The following TENM2 variants were observed in gnomAD, a reference collection of about 807,000 sequenced individuals.
TENM2 encodes teneurin-2.
A neutral mutation model predicts 245.2 loss-of-function variants in TENM2; 52 were observed. The observed-to-expected ratio is 0.21, with a 90% CI of 0.17 to 0.27. The LOEUF (loss-of-function observed/expected upper bound fraction) is 0.27. TENM2 is among the 10% of genes least tolerant of loss of function. The probability of loss-of-function intolerance (pLI) is 1.00; values close to 1 mark genes in which losing one functional copy is unlikely to be tolerated. For synonymous variants in TENM2, 1,363 were observed against 1,438.9 expected, an observed-to-expected ratio of 0.95 and a Z score of 1.19; for missense variants, 3,046 against 3,666.8, an observed-to-expected ratio of 0.83 and a Z score of 4.37.
chr5:167,523,370 G>A (rs989261657), intron 2 of TENM2, among the ~76,000 whole-genome samples: 8 of 152,118 alleles, frequency 5.3e-5, no homozygotes, highest in African/African-American at 1.9e-4. Context: ...CTGGCTGATG[G>A]TTGCACACAG....
chr5:167,482,906 C>A (rs1302960615), intron 2 of TENM2, among the ~76,000 whole-genome samples: 1 of 152,312 alleles, frequency 6.6e-6, no homozygotes, highest in East Asian at 1.9e-4. Flanking sequence ...TCTCTCCTCC[C>A]TCAAACTGAG....
chr5:167,864,526 A>T (rs939857656), intron 2 of TENM2, among the ~76,000 whole-genome samples: 2 of 152,242 alleles, frequency 1.3e-5, no homozygotes, highest in East Asian at 3.9e-4. Flanking sequence ...GAAAAGTTAG[A>T]TGACTTGCCC....
intron 2 of TENM2, among the ~76,000 whole-genome samples, chr5:167,593,022 A>G (rs1412388622): frequency 1.3e-5 from 2 of 152,142 alleles, no homozygotes; most frequent in Non-Finnish European, 2.9e-5. Flanking sequence ...TATTTTAATA[A>G]TTGCCTAATA....
At chr5:167,918,592 T>C (rs1469872538) in intron 3 of TENM2, among the ~76,000 whole-genome samples, 2 of 152,174 alleles carry the variant, frequency 1.3e-5, no homozygotes, top group Non-Finnish European at 2.9e-5. Context: ...TCTTGACTTA[T>C]CAAGCACACT....
chr5:168,195,383 T>C, intron 15 of TENM2, 88 bp downstream of exon 17: 3 of 1,466,274 alleles, frequency 2.0e-6, no homozygotes, highest in South Asian at 2.5e-5. Flanking sequence ...AACCACAGGA[T>C]TCCCCCTGGT....
intron 2 of TENM2, chr5:167,754,927 T>C (rs552456881): frequency 1.4e-5 from 18 of 1,257,990 alleles, no homozygotes; most frequent in Admixed American, 6.3e-5. Context: ...AGAGCAGATA[T>C]TGCCTATTAT....
chr5:167,051,953 ATTCTC>A, the TENM2 span, among the ~76,000 whole-genome samples: 16 of 152,276 alleles, frequency 1.1e-4, no homozygotes, highest in Middle Eastern at 3.4e-3. Flanking sequence ...ATAAATCTAT[ATTCTC>A]TTTGCAGTTT....
the TENM2 span, among the ~76,000 whole-genome samples, chr5:166,996,233 C>T: frequency 6.6e-6 from 1 of 152,050 alleles, no homozygotes; most frequent in Non-Finnish European, 1.5e-5. Flanking sequence ...GTCCCGGCTA[C>T]TTGTGAGGGT....
At chr5:167,474,336 G>A (rs1037742740) in intron 2 of TENM2, among the ~76,000 whole-genome samples, 4 of 152,010 alleles carry the variant, frequency 2.6e-5, no homozygotes, top group African/African-American at 4.8e-5. Flanking sequence ...GGTGTTCAGA[G>A]CTTTCATCTT....
At chr5:167,318,163 GTTCACTCC>G (rs1316674254) in intron 1 of TENM2, among the ~76,000 whole-genome samples, 2 of 152,274 alleles carry the variant, frequency 1.3e-5, no homozygotes, top group African/African-American at 4.8e-5. Context: ...AATGGCTTCA[GTTCACTCC>G]TGTTGGCTCT....
intron 12 of TENM2, among the ~76,000 whole-genome samples, chr5:168,144,378 T>G (rs1381283021): frequency 6.6e-6 from 1 of 150,700 alleles, no homozygotes; most frequent in Non-Finnish European, 1.5e-5. Flanking sequence ...CCCCTTCCTG[T>G]GTGCATGTGA....
the TENM2 span, among the ~76,000 whole-genome samples, chr5:167,219,728 C>T: frequency 1.3e-5 from 2 of 152,192 alleles, no homozygotes; most frequent in African/African-American, 2.4e-5. Flanking sequence ...TGAAAAGGCT[C>T]ATTATAAAAC....
intron 2 of TENM2, among the ~76,000 whole-genome samples, chr5:167,507,381 T>C (rs1159315192): frequency 6.6e-6 from 1 of 152,206 alleles, no homozygotes; most frequent in Non-Finnish European, 1.5e-5. Flanking sequence ...TATCAAAGGC[T>C]GAAGTATTTA....
At chr5:168,249,453 GGTGTGTGTGTGT>G (rs3084277) in intron 27 of TENM2, among the ~76,000 whole-genome samples, 1 of 148,804 alleles carries the variant, frequency 6.7e-6, no homozygotes. Context: ...GTTCTCTCAA[GGTGTGTGTGTGT>G]GTGTGTGTGT....
At chr5:168,130,622 G>A (rs1754493325) in intron 12 of TENM2, among the ~76,000 whole-genome samples, 1 of 152,198 alleles carries the variant, frequency 6.6e-6, no homozygotes, top group Non-Finnish European at 1.5e-5. Flanking sequence ...CCTAGGCCAG[G>A]TGCAGTGGCT....
intron 2 of TENM2, among the ~76,000 whole-genome samples, chr5:167,417,075 A>G (rs1180846645): frequency 6.6e-6 from 1 of 152,150 alleles, no homozygotes; most frequent in Non-Finnish European, 1.5e-5. Context: ...CCCCTTCTCC[A>G]TGTCCCTAAT....
At chr5:167,057,962 A>G in the TENM2 span, among the ~76,000 whole-genome samples, 1 of 152,034 alleles carries the variant, frequency 6.6e-6, no homozygotes, top group Non-Finnish European at 1.5e-5. Flanking sequence ...CAATTCATCA[A>G]TTACAGTTCA....
At chr5:167,665,325 C>T (rs929282499) in intron 2 of TENM2, among the ~76,000 whole-genome samples, 6 of 151,998 alleles carry the variant, frequency 3.9e-5, no homozygotes, top group Non-Finnish European at 7.4e-5. Context: ...TCATTAGTGT[C>T]GGTAGATGTC....
chr5:167,279,114 C>T, the TENM2 span, among the ~76,000 whole-genome samples: 8 of 152,246 alleles, frequency 5.3e-5, no homozygotes, highest in African/African-American at 1.9e-4. Context: ...TTTCTAATGA[C>T]CTCCATGGTT....
Sources: gnomAD v4.1 joint callset for allele counts (sites outside exome capture counted in the v4.1 genomes callset) on GRCh38, gnomAD v4.1.1 for gene constraint, MANE v1.5 for transcripts, NCBI Gene and HGNC (gene_info 2026-07-23, HGNC 2026-07-21) for gene names.